Variants in HTRA3 observed in about 807,000 individuals in gnomAD.
The protein encoded by HTRA3 is HtrA serine peptidase 3.
A neutral mutation model predicts 43.2 loss-of-function variants in HTRA3; 41 were observed. The observed-to-expected ratio is 0.95, with a 90% CI of 0.74 to 1.23. The LOEUF (loss-of-function observed/expected upper bound fraction) is 1.23, where lower values mean the gene tolerates loss of function less well. HTRA3 is among the 50% of genes most tolerant of loss of function. The pLI is 0.00. For missense variants in HTRA3, 628 were observed against 647.1 expected (o/e 0.97, Z 0.32); for synonymous variants, 295 against 287.9 (o/e 1.02, Z -0.25).
At chr4:8,288,878 TTTCCTTCCTTCCTTCCGTCCGTCCTTCC>T (rs1366618383) in intron 3 of HTRA3, among the ~76,000 whole-genome samples, 6 of 118,118 alleles carry the variant, frequency 5.1e-5, no homozygotes, top group East Asian at 6.2e-4. Flanking sequence ...ACCCCCAAAT[TTTCCTTCCTTCCTTCCGTCCGTCCTTCC>T]TTCCTTCCTT....
chr4:8,286,921 C>A lies in HTRA3; in HGVS notation c.708+138C>A. On this transcript the variant is annotated intron_variant, in intron 3 of 8. Coordinates refer to ENST00000307358, the MANE Select transcript of HTRA3 (RefSeq NM_053044.5). The surrounding 1 kb of genome is among the most constrained non-coding windows in gnomAD (Gnocchi z 4.9). ...GGAAACTGGGCCCAGGGAGGACTGGCAGCTGGCCCAGGGTCACGGCTTGGA... is the reference window on the plus strand; with the variant it reads ...GGAAACTGGGCCCAGGGAGGACTGGAAGCTGGCCCAGGGTCACGGCTTGGA... 1 of 666,348 alleles carries A rather than the reference C, an allele frequency of 1.5e-6. No homozygotes were observed. The allele number at this position is 666,348 out of a possible 1,614,324, so 41.3% of individuals were successfully genotyped here.
chr4:8,300,381 G>C (rs967392424), intron 6 of HTRA3, among the ~76,000 whole-genome samples: 1 of 152,074 alleles, frequency 6.6e-6, no homozygotes, highest in African/African-American at 2.4e-5. Flanking sequence ...TTTTTTGTAG[G>C]AAGATTTTTA....
intron 6 of HTRA3, 78 bp downstream of exon 6, chr4:8,294,279 G>A: frequency 9.5e-7 from 1 of 1,051,608 alleles, no homozygotes; most frequent in Non-Finnish European, 1.4e-6. Context: ...CCCAGCCCTG[G>A]GACCAAGGCC....
chr4:8,290,297 G>A (rs1399169869), intron 3 of HTRA3, among the ~76,000 whole-genome samples: 1 of 152,254 alleles, frequency 6.6e-6, no homozygotes, highest in East Asian at 1.9e-4. Flanking sequence ...AAGCTGCAAA[G>A]AGAAACTTTC....
In HTRA3 at chr4:8,306,111, G is replaced by T. The variant is rs1282724356; in HGVS notation, c.1337G>T (p.Ser446Ile). The T allele has an allele frequency of 2.5e-6, 4 of 1,600,788 alleles. No individual in the cohort carries two copies. Among genetic ancestry groups the T allele is most frequent in the South Asian group, 1.1e-5 (1 of 89,476 alleles). The change falls in exon 9 of 9, where the codon AGC (serine) becomes ATC (isoleucine). Residue 446 changes from serine (S) to isoleucine (I), a missense_variant. By Grantham distance (142) the Ser-to-Ile change is moderately radical (BLOSUM62 -2). Coordinates refer to ENST00000307358, the MANE Select transcript of HTRA3 (RefSeq NM_053044.5). This position sits in a 1 kb window ranked among gnomAD's most constrained non-coding sequence, Gnocchi z 8.9. ...VRRGNDDLLF[S>I]IAPEVVM ...CGGGGGAACGACGACCTCCTCTTCAGCATCGCACCTGAGGTGGTCATGTGA... is the reference window on the plus strand; with the variant it reads ...CGGGGGAACGACGACCTCCTCTTCATCATCGCACCTGAGGTGGTCATGTGA...
Position 8,286,928 on chromosome 4 carries a change from C to T in HTRA3, c.708+145C>T. The T allele has an allele frequency of 7.7e-6, 5 of 650,072 alleles. No homozygotes were observed. The highest frequency in any genetic ancestry group is 1.1e-5 in the Non-Finnish European group (4 of 373,750). 40.3% of individuals were successfully genotyped at this position (650,072 alleles called of 1,614,324 possible). A position where few individuals can be genotyped will look rare whatever the true frequency, so the allele number is the denominator to read the frequency against. ...GGGCCCAGGGAGGACTGGCAGCTGG[C>T]CCAGGGTCACGGCTTGGAAAAGACC... is the stretch of plus-strand genomic sequence containing the variant. On this transcript the variant is annotated intron_variant, in intron 3 of 8. Coordinates refer to ENST00000307358, the MANE Select transcript of HTRA3 (RefSeq NM_053044.5). The surrounding 1 kb of genome is among the most constrained non-coding windows in gnomAD (Gnocchi z 4.9).
intron 1 of HTRA3, among the ~76,000 whole-genome samples, chr4:8,277,219 G>A (rs1034699157): frequency 6.6e-6 from 1 of 152,152 alleles, no homozygotes; most frequent in African/African-American, 2.4e-5. Flanking sequence ...AAGTTCACTA[G>A]GGGACAGGCA....
chr4:8,292,985 A>G (rs1713305850), intron 5 of HTRA3, among the ~76,000 whole-genome samples: 1 of 152,158 alleles, frequency 6.6e-6, no homozygotes, highest in South Asian at 2.1e-4. Flanking sequence ...TGAGAGCATT[A>G]TACAACAGCC....
At chr4:8,305,921 G>C in intron 8 of HTRA3, 50 bp from the exon 9 acceptor site, 3 of 1,608,114 alleles carry the variant, frequency 1.9e-6, no homozygotes, top group Non-Finnish European at 2.6e-6. Flanking sequence ...GCCTGGGAAG[G>C]CTGTGCCTGG....
At chr4:8,270,955 G>A (rs935095457) in intron 1 of HTRA3, among the ~76,000 whole-genome samples, 12 of 152,224 alleles carry the variant, frequency 7.9e-5, no homozygotes, top group African/African-American at 2.7e-4. Flanking sequence ...GACTCTGTAC[G>A]TGGAGGAAAA....
At chr4:8,303,802 A>C (rs965677329) in intron 7 of HTRA3, among the ~76,000 whole-genome samples, 26 of 148,808 alleles carry the variant, frequency 1.7e-4, no homozygotes, top group East Asian at 4.3e-4. Context: ...CATTGTCTGT[A>C]CGTTCCGTGA....
intron 2 of HTRA3, among the ~76,000 whole-genome samples, chr4:8,285,978 C>T (rs978078557): frequency 1.3e-5 from 2 of 152,248 alleles, no homozygotes; most frequent in African/African-American, 4.8e-5. Flanking sequence ...GAATCTGCCC[C>T]AGCCTCTGGG....
At chr4:8,272,878 G>C (rs1465793249) in intron 1 of HTRA3, among the ~76,000 whole-genome samples, 1 of 152,196 alleles carries the variant, frequency 6.6e-6, no homozygotes, top group Non-Finnish European at 1.5e-5. Context: ...CCATCTCCAG[G>C]GCGCCGTTCA....
chr4:8,279,478 G>A lies in HTRA3; in HGVS notation c.386-2959G>A, dbSNP rs1322803545. On this transcript the variant is annotated intron_variant, in intron 1 of 8. Coordinates refer to ENST00000307358, the MANE Select transcript of HTRA3 (RefSeq NM_053044.5). The surrounding 1 kb of genome is among the most constrained non-coding windows in gnomAD (Gnocchi z 7.4). ...GCTGTGCAGATCTTCAGGCTGCCGC[G>A]TCAGAGCTCAGGGGCCCAGCAGCCC... Among the ~76,000 whole-genome samples the A allele has an allele frequency of 6.6e-6, 1 of 152,086 alleles. No individual in the cohort carries two copies. Among genetic ancestry groups the A allele is most frequent in the African/African-American group, 2.4e-5 (1 of 41,398 alleles).
At chr4:8,278,100 T>TA (rs1712601132) in intron 1 of HTRA3, among the ~76,000 whole-genome samples, 7 of 151,938 alleles carry the variant, frequency 4.6e-5, no homozygotes, top group Admixed American at 4.6e-4. Context: ...CCCCACAGAG[T>TA]ATCTGGGCCT....
Position 8,301,291 on chromosome 4 carries a change from C to G in HTRA3, c.1052-1172C>G, listed in dbSNP as rs1043079637. On this transcript the variant is annotated intron_variant, in intron 6 of 8. Transcript: ENST00000307358. Reference sequence around the variant, plus strand: ...CACTCATCTTTATTATTGAGTCACACTCATCTTTATTATTGATTCACACTC... The same window carrying G: ...CACTCATCTTTATTATTGAGTCACAGTCATCTTTATTATTGATTCACACTC... 5.4e-5 allele frequency among the ~76,000 whole-genome samples: 8 copies of G among 147,546 alleles called. No individual in the cohort carries two copies. The East Asian group carries it at 1.4e-3, about 25-fold the overall frequency.
intron 2 of HTRA3, among the ~76,000 whole-genome samples, chr4:8,283,280 T>C (rs1712830388): frequency 6.6e-6 from 1 of 152,096 alleles, no homozygotes; most frequent in Non-Finnish European, 1.5e-5. Context: ...GAGGAAGTGG[T>C]GTGTACCGTG....
intron 7 of HTRA3, among the ~76,000 whole-genome samples, chr4:8,303,278 C>T (rs575198994): frequency 2.0e-5 from 3 of 152,320 alleles, no homozygotes; most frequent in African/African-American, 7.2e-5. Context: ...TGTGGTGGGA[C>T]CGCCCCACCC....
chr4:8,297,296 C>T lies in HTRA3; in HGVS notation c.1051+3095C>T, dbSNP rs1193921740. On this transcript the variant is annotated intron_variant, in intron 6 of 8. Transcript: ENST00000307358. This position sits in a 1 kb window ranked among gnomAD's most constrained non-coding sequence, Gnocchi z 5.8. ...GAGAAGAGGCTTCAGAGTCCCCTATCCTGAGCACAGTGAGTCGTGCTTTCC... is the reference window on the plus strand; with the variant it reads ...GAGAAGAGGCTTCAGAGTCCCCTATTCTGAGCACAGTGAGTCGTGCTTTCC... Among the ~76,000 whole-genome samples the T allele has an allele frequency of 6.6e-6, 1 of 151,988 alleles. No homozygotes were observed.
Sources: allele counts gnomAD v4.1 joint callset (sites outside exome capture counted in the v4.1 genomes callset), GRCh38; gene constraint gnomAD v4.1.1; non-coding constraint Gnocchi (gnomAD v3.1); transcripts MANE v1.5; gene names NCBI Gene and HGNC (gene_info 2026-07-23, HGNC 2026-07-21).